FBXO3: variants seen among roughly 807,000 people sequenced by gnomAD.
FBXO3 encodes F-box protein 3.
FBXO3 carries 17 observed loss-of-function variants against 64.8 expected under a neutral mutation model. The ratio of observed to expected loss-of-function variants is 0.26; its 90% confidence interval spans 0.18 to 0.39. The LOEUF is 0.39. Among genes scored for constraint, FBXO3 ranks in the 10% least tolerant of loss-of-function variants. The pLI is 1.00. For missense variants in FBXO3, 420 were observed against 589.9 expected (o/e 0.71, Z 2.98); for synonymous variants, 182 against 201.6 (o/e 0.90, Z 0.82).
At chr11:33,746,933 A>T in intron 10 of FBXO3, 197 bp downstream of exon 10, 4 of 1,433,606 alleles carry the variant, frequency 2.8e-6, no homozygotes, top group Non-Finnish European at 3.6e-6. Flanking sequence ...AACAGCAGAA[A>T]TTCTCTGGTT....
intron 4 of FBXO3, among the ~76,000 whole-genome samples, chr11:33,757,769 C>A (rs757263487): frequency 3.0e-4 from 45 of 148,874 alleles, no homozygotes; most frequent in African/African-American, 1.1e-3. Flanking sequence ...CCAGCCTGGG[C>A]AACATGACAA....
intron 3 of FBXO3, among the ~76,000 whole-genome samples, chr11:33,759,124 C>A (rs1216502902): frequency 6.6e-6 from 1 of 152,110 alleles, no homozygotes; most frequent in East Asian, 1.9e-4. Flanking sequence ...ATGACAAATA[C>A]CAAGAGATGA....
intron 9 of FBXO3, 132 bp from the exon 10 acceptor site, chr11:33,747,452 A>C (rs1854842928): frequency 8.6e-6 from 6 of 699,018 alleles, no homozygotes; most frequent in Non-Finnish European, 1.4e-5. Flanking sequence ...AAAATTCCAA[A>C]AGAAAATGTA....
chr11:33,749,528 A>AT (rs1446454632), intron 8 of FBXO3, among the ~76,000 whole-genome samples: 5 of 151,952 alleles, frequency 3.3e-5, no homozygotes, highest in Non-Finnish European at 7.4e-5. Context: ...CACCTGGCTA[A>AT]TTTTTTTAAA....
chr11:33,760,886 A>G (rs1420665336), intron 3 of FBXO3, among the ~76,000 whole-genome samples: 2 of 152,224 alleles, frequency 1.3e-5, no homozygotes, highest in Non-Finnish European at 2.9e-5. Flanking sequence ...AGGAAGGAAT[A>G]AAGGGCAACC....
At chr11:33,750,349 C>A (rs112512389) in intron 8 of FBXO3, among the ~76,000 whole-genome samples, 190 bp downstream of exon 8, 25 of 152,304 alleles carry the variant, frequency 1.6e-4, no homozygotes, top group African/African-American at 5.5e-4. Context: ...AATAACTTAA[C>A]TTAGAGGTTA....
chr11:33,760,162 C>T (rs539015627), intron 3 of FBXO3, among the ~76,000 whole-genome samples: 7 of 152,206 alleles, frequency 4.6e-5, no homozygotes, highest in African/African-American at 1.4e-4. Flanking sequence ...AAATGTCAAA[C>T]GATGATTCAG....
intron 10 of FBXO3, chr11:33,745,779 AC>A (rs1375075041): frequency 6.6e-6 from 1 of 152,204 alleles, no homozygotes; most frequent in African/African-American, 2.4e-5. Context: ...AATAAAGATA[AC>A]TGCAGAAATC....
intron 3 of FBXO3, among the ~76,000 whole-genome samples, chr11:33,761,271 T>A (rs1300733728): frequency 1.3e-5 from 2 of 152,090 alleles, no homozygotes; most frequent in African/African-American, 4.8e-5. Flanking sequence ...TTAGTAAATC[T>A]ATTAAATATG....
intron 4 of FBXO3, 62 bp from the exon 5 acceptor site, chr11:33,756,037 T>C: frequency 2.3e-6 from 3 of 1,326,506 alleles, no homozygotes; most frequent in Non-Finnish European, 3.2e-6. Context: ...GTGCTTCATC[T>C]TTCTGATGAA....
chr11:33,770,595 CA>C (rs1855487881), intron 2 of FBXO3, 145 bp downstream of exon 2: 1 of 614,280 alleles, frequency 1.6e-6, no homozygotes, highest in Non-Finnish European at 2.9e-6. Flanking sequence ...AGAACCTTGG[CA>C]AATACCAACA....
intron 1 of FBXO3, chr11:33,773,200 A>G (rs1018037469): frequency 1.2e-4 from 19 of 152,308 alleles, no homozygotes; most frequent in African/African-American, 4.3e-4. Context: ...AAGGAGAATG[A>G]CAACCAGATG....
At chr11:33,769,634 C>A (rs2133624606) in intron 2 of FBXO3, among the ~76,000 whole-genome samples, 1 of 152,226 alleles carries the variant, frequency 6.6e-6, no homozygotes, top group Non-Finnish European at 1.5e-5. Context: ...AAGGCAGCCA[C>A]AGACGGCCTT....
At chr11:33,771,977 A>G (rs1281318013) in intron 1 of FBXO3, 2 of 152,206 alleles carry the variant, frequency 1.3e-5, no homozygotes, top group Non-Finnish European at 2.9e-5. Context: ...TTGGACTGAG[A>G]TCTGTACCTC....
At chr11:33,749,536 A>T (rs1329596788) in intron 8 of FBXO3, among the ~76,000 whole-genome samples, 2 of 151,876 alleles carry the variant, frequency 1.3e-5, no homozygotes, top group Admixed American at 6.6e-5. Flanking sequence ...TAATTTTTTT[A>T]AAAATTTTTG....
chr11:33,750,633 T>C lies in FBXO3; in HGVS notation c.838A>G (p.Thr280Ala). Residue 280 changes from threonine to alanine, a missense_variant, in exon 8 of 11, where the codon ACA (threonine) becomes GCA (alanine). This residue lies in a region of FBXO3 where 337 missense variants were observed against 518.4 expected (regional missense o/e 0.65). Coordinates refer to ENST00000265651, the MANE Select transcript of FBXO3 (RefSeq NM_012175.4). ...ACTGACACAGTAATATCCCCAGTTG[T>C]TGCTACACATTCTGGATCGTGAACA... ...RYVHDPECVA[T>A]TGDITVSVST... The C allele has an allele frequency of 1.9e-6, 3 of 1,613,522 alleles. No individual in the cohort carries two copies. Among genetic ancestry groups the C allele is most frequent in the Non-Finnish European group, 2.5e-6 (3 of 1,179,550 alleles).
At chr11:33,770,861 T>C in intron 1 of FBXO3, 31 bp from the exon 2 acceptor site, 2 of 1,486,206 alleles carry the variant, frequency 1.3e-6, no homozygotes, top group Non-Finnish European at 1.8e-6. Flanking sequence ...CGATAGTATT[T>C]AAAAAAGTAA....
rs1468079296 is a variant in FBXO3, at chr11:33,750,701, A to G, written c.810-40T>C. The G allele has an allele frequency of 1.2e-5, 19 of 1,569,338 alleles. No individual in the cohort carries two copies. The South Asian group carries it at 2.0e-4, about 17-fold the overall frequency. On this transcript the variant is annotated intron_variant, in intron 7 of 10. Transcript: ENST00000265651. ...AATTAAACATTTTAAAATCAACTAC[A>G]GGATTTAAAAGATACGATGCAAAAT...
intron 7 of FBXO3, among the ~76,000 whole-genome samples, chr11:33,751,235 G>T (rs11032367): frequency 0.66 from 99,674 of 151,984 alleles, 32,875 homozygotes; most frequent in Middle Eastern, 0.71. Flanking sequence ...ACTTTTTGGT[G>T]TTTTTCAAAA....
Sources: gnomAD v4.1 joint callset for allele counts (sites outside exome capture counted in the v4.1 genomes callset) on GRCh38, gnomAD v4.1.1 for gene constraint, gnomAD v4.1.1 regional missense constraint, MANE v1.5 for transcripts, NCBI Gene and HGNC (gene_info 2026-07-23, HGNC 2026-07-21) for gene names.